Variants in RNF6 observed in about 807,000 individuals in gnomAD.
The protein encoded by RNF6 is ring finger protein 6.
In RNF6, 21 loss-of-function variants were observed where a neutral mutation model predicts 50.1. That is an observed-to-expected ratio of 0.42 (90% CI 0.30 to 0.60). The LOEUF is 0.60. Ranked by LOEUF, RNF6 falls within the 20% of genes least tolerant of loss-of-function variation. The probability of loss-of-function intolerance (pLI) is 0.20; values close to 1 mark genes in which losing one functional copy is unlikely to be tolerated. For missense variants in RNF6, 698 were observed against 838.2 expected, an observed-to-expected ratio of 0.83 and a Z score of 2.07; for synonymous variants, 255 against 291.8, an observed-to-expected ratio of 0.87 and a Z score of 1.29.
chr13:26,156,832 G>T (rs545191602), intron 5 of RNF6, among the ~76,000 whole-genome samples: 2 of 152,176 alleles, frequency 1.3e-5, no homozygotes, highest in Non-Finnish European at 2.9e-5. Flanking sequence ...CAAATCAGTA[G>T]ACCCTCGTTA....
intron 5 of RNF6, among the ~76,000 whole-genome samples, chr13:26,205,736 G>A (rs1183680696): frequency 5.9e-5 from 9 of 152,192 alleles, no homozygotes; most frequent in African/African-American, 1.4e-4. Context: ...TAAAAAGGCC[G>A]GGTACAGTGG....
Position 26,215,264 on chromosome 13 carries a change from A to G in RNF6, c.618T>C (p.Asn206=), listed in dbSNP as rs201657623. 193 of 1,614,112 alleles carry G rather than the reference A, an allele frequency of 1.2e-4. No individual in the cohort carries two copies. Among genetic ancestry groups the G allele is most frequent in the Non-Finnish European group, 1.6e-4 (191 of 1,180,044 alleles). ...TCCTTGGAATGTTGGAACTACTACC[A>G]TTGAAATTCACTGAGGTTTGGCTTC... The part of the protein sequence containing the change: ...RTRSQTSVNF[N]GSSSNIPRTR... The change falls in exon 5 of 5, where the codon AAT becomes AAC. Residue 206 remains asparagine, a synonymous_variant. Transcript: ENST00000381588.
intron 5 of RNF6, among the ~76,000 whole-genome samples, chr13:26,150,198 A>G (rs950704640): frequency 6.6e-6 from 1 of 151,970 alleles, no homozygotes; most frequent in Non-Finnish European, 1.5e-5. Flanking sequence ...ACAATGAGCA[A>G]TTCCGGATTT....
chr13:26,149,145 C>T (rs1203500904), intron 5 of RNF6: 3 of 152,116 alleles, frequency 2.0e-5, no homozygotes, highest in South Asian at 2.1e-4. Context: ...AGTTGACATG[C>T]AAAATTAATC....
intron 5 of RNF6, among the ~76,000 whole-genome samples, chr13:26,187,838 C>G (rs1247400255): frequency 6.6e-6 from 1 of 152,236 alleles, no homozygotes; most frequent in Non-Finnish European, 1.5e-5. Context: ...GTCCTCCTGC[C>G]TCAGCCTCCC....
intron 5 of RNF6, among the ~76,000 whole-genome samples, chr13:26,139,365 C>T (rs564554236): frequency 6.6e-6 from 1 of 152,298 alleles, no homozygotes; most frequent in East Asian, 1.9e-4. Context: ...ATGCTCTGGC[C>T]TAGGCTTTTC....
intron 5 of RNF6, among the ~76,000 whole-genome samples, chr13:26,169,834 T>C (rs1439364999): frequency 1.2e-4 from 19 of 152,142 alleles, no homozygotes; most frequent in Non-Finnish European, 2.9e-5. Flanking sequence ...TAGGCTACAG[T>C]CTCCCTATGC....
chr13:26,181,732 G>T (rs1394368159), intron 5 of RNF6, among the ~76,000 whole-genome samples: 1 of 152,196 alleles, frequency 6.6e-6, no homozygotes, highest in Non-Finnish European at 1.5e-5. Flanking sequence ...CAGATAAAAT[G>T]CTCCAATGCT....
intron 5 of RNF6, among the ~76,000 whole-genome samples, chr13:26,204,221 C>A (rs894844027): frequency 6.6e-6 from 1 of 151,960 alleles, no homozygotes; most frequent in Non-Finnish European, 1.5e-5. Context: ...TAAGGCCGGG[C>A]GCAATGGCTC....
intron 5 of RNF6, among the ~76,000 whole-genome samples, chr13:26,140,904 C>T (rs1232685286): frequency 6.6e-6 from 1 of 152,054 alleles, no homozygotes; most frequent in Non-Finnish European, 1.5e-5. Flanking sequence ...CACAAAAATA[C>T]CTAGAAATAC....
intron 5 of RNF6, among the ~76,000 whole-genome samples, chr13:26,188,002 C>G (rs923387058): frequency 1.3e-5 from 2 of 152,344 alleles, no homozygotes; most frequent in Admixed American, 1.3e-4. Context: ...CTGTAGGTGT[C>G]TGGGCATCAG....
chr13:26,149,353 C>G (rs1272792111), intron 5 of RNF6: 2 of 152,046 alleles, frequency 1.3e-5, no homozygotes, highest in African/African-American at 4.8e-5. Flanking sequence ...TTTGGGAGGC[C>G]GAGGCAGGCA....
downstream of RNF6, among the ~76,000 whole-genome samples, chr13:26,209,784 G>GATATATATATATAT (rs1165114430): frequency 3.4e-5 from 5 of 145,566 alleles, no homozygotes; most frequent in Non-Finnish European, 7.7e-5. Context: ...GAGAAGATGT[G>GATATATATATATAT]AGATATATAT....
chr13:26,201,416 TAATTCTTTCA>T (rs1868894200), intron 5 of RNF6, among the ~76,000 whole-genome samples: 3 of 152,006 alleles, frequency 2.0e-5, no homozygotes, highest in African/African-American at 7.2e-5. Context: ...GGAGGAGGGG[TAATTCTTTCA>T]AATGAATGGA....
At chr13:26,211,524 C>T (rs1801591290), downstream of RNF6, among the ~76,000 whole-genome samples, 1 of 152,048 alleles carries the variant, frequency 6.6e-6, no homozygotes, top group Non-Finnish European at 1.5e-5. Context: ...TTTGGGAGGC[C>T]AAGGTGGGCG....
intron 5 of RNF6, among the ~76,000 whole-genome samples, chr13:26,192,263 C>T (rs573451316): frequency 6.6e-6 from 1 of 152,274 alleles, no homozygotes; most frequent in South Asian, 2.1e-4. Context: ...CACAATAATC[C>T]AGTGGAAAGA....
At chr13:26,142,890 AATC>A (rs1205064518) in intron 5 of RNF6, among the ~76,000 whole-genome samples, 1 of 152,188 alleles carries the variant, frequency 6.6e-6, no homozygotes, top group Non-Finnish European at 1.5e-5. Context: ...TTAAAATCAC[AATC>A]AACACAGCTT....
At chr13:26,199,173 T>G (rs1868796721) in intron 5 of RNF6, among the ~76,000 whole-genome samples, 1 of 149,942 alleles carries the variant, frequency 6.7e-6, no homozygotes, top group Admixed American at 6.6e-5. Flanking sequence ...GTCAAAATAG[T>G]GTAGAATGAC....
intron 5 of RNF6, among the ~76,000 whole-genome samples, chr13:26,144,319 A>T (rs1438154424): frequency 6.6e-6 from 1 of 152,058 alleles, no homozygotes; most frequent in African/African-American, 2.4e-5. Flanking sequence ...TATCTACCTG[A>T]TTATTAAAGT....
Sources: allele counts gnomAD v4.1 joint callset (sites outside exome capture counted in the v4.1 genomes callset), GRCh38; gene constraint gnomAD v4.1.1; transcripts MANE v1.5; gene names NCBI Gene and HGNC (gene_info 2026-07-23, HGNC 2026-07-21).